Variants in GLRX3 observed in about 807,000 individuals in gnomAD.
GLRX3 encodes the protein glutaredoxin 3, also known as glutaredoxin-3.
A neutral mutation model predicts 49.5 loss-of-function variants in GLRX3; 22 were observed. The ratio of observed to expected loss-of-function variants is 0.44; its 90% CI spans 0.32 to 0.63. The LOEUF (loss-of-function observed/expected upper bound fraction) is 0.63. Among genes scored for constraint, GLRX3 ranks in the 30% least tolerant of loss-of-function variants. GLRX3 has a pLI of 0.05. For missense variants in GLRX3, 385 were observed against 396.3 expected, an observed-to-expected ratio of 0.97 and a Z score of 0.24; for synonymous variants, 133 against 140.0, an observed-to-expected ratio of 0.95 and a Z score of 0.35.
In GLRX3 at chr10:130,169,469, C is replaced by A; in HGVS notation, c.750C>A (p.Leu250=). 1 of 1,610,716 alleles carries A rather than the reference C, an allele frequency of 6.2e-7. No homozygotes were observed. The highest frequency in any genetic ancestry group is 1.1e-5 in the South Asian group (1 of 90,978). The change falls in exon 7 of 11, where the codon CTC becomes CTA. Residue 250 remains leucine, a synonymous_variant. Coordinates refer to ENST00000331244, the MANE Select transcript of GLRX3 (RefSeq NM_006541.5). ...KVLTNKASVM[L]FMKGNKQEAK... is the part of the protein sequence containing the mutation. ...TGACAAATAAAGCTTCTGTGATGCTCTTTATGAAAGGAAACAAACAGGTAA... is the reference window on the plus strand; with the variant it reads ...TGACAAATAAAGCTTCTGTGATGCTATTTATGAAAGGAAACAAACAGGTAA...
At chr10:130,171,668 A>T in intron 8 of GLRX3, 32 bp downstream of exon 8, 1 of 1,182,582 alleles carries the variant, frequency 8.5e-7, no homozygotes, top group South Asian at 1.2e-5. Flanking sequence ...ATGGTGTATT[A>T]AAAAAATTCC....
chr10:130,150,644 G>A (rs1486928176), intron 2 of GLRX3, among the ~76,000 whole-genome samples: 1 of 152,152 alleles, frequency 6.6e-6, no homozygotes, highest in East Asian at 1.9e-4. Flanking sequence ...GATACAGATT[G>A]CACTGTTGAA....
intron 1 of GLRX3, among the ~76,000 whole-genome samples, chr10:130,140,318 A>G (rs568911337): frequency 1.3e-5 from 2 of 152,350 alleles, no homozygotes; most frequent in African/African-American, 4.8e-5. Context: ...TTTCTCCAAC[A>G]ATGCTCCAGG....
chr10:130,177,248 A>T (rs1452322611), intron 10 of GLRX3, among the ~76,000 whole-genome samples: 1 of 152,206 alleles, frequency 6.6e-6, no homozygotes, highest in Non-Finnish European at 1.5e-5. Context: ...TTACTCAGCT[A>T]ATCTAGTGTC....
intron 7 of GLRX3, 95 bp from the exon 8 acceptor site, chr10:130,171,489 G>A: frequency 1.3e-6 from 1 of 775,736 alleles, no homozygotes; most frequent in African/African-American, 1.7e-5. Flanking sequence ...AGCTATGCTG[G>A]ACAAGTGCTG....
At chr10:130,162,222 C>T (rs945293985) in intron 4 of GLRX3, among the ~76,000 whole-genome samples, 13 of 152,126 alleles carry the variant, frequency 8.5e-5, no homozygotes, top group African/African-American at 1.4e-4. Context: ...TCAGGTGATC[C>T]GCCTGCCTTG....
At chr10:130,172,804 C>T (rs1211802199) in intron 8 of GLRX3, among the ~76,000 whole-genome samples, 3 of 151,910 alleles carry the variant, frequency 2.0e-5, no homozygotes, top group South Asian at 2.1e-4. Flanking sequence ...TAGCCGGGTG[C>T]GGTGGCGCAC....
intron 6 of GLRX3, among the ~76,000 whole-genome samples, chr10:130,168,052 C>T (rs765647977): frequency 1.6e-4 from 24 of 152,128 alleles, no homozygotes; most frequent in Non-Finnish European, 1.5e-4. Flanking sequence ...GTGCACTTGC[C>T]GCTGTTAATG....
intron 8 of GLRX3, among the ~76,000 whole-genome samples, chr10:130,173,796 C>T (rs2134926254): frequency 6.6e-6 from 1 of 152,202 alleles, no homozygotes; most frequent in Admixed American, 6.5e-5. Flanking sequence ...TCAAACATTC[C>T]TTTTTTGGTA....
chr10:130,176,333 T>A (rs1862919510), intron 10 of GLRX3, among the ~76,000 whole-genome samples: 1 of 152,128 alleles, frequency 6.6e-6, no homozygotes, highest in Non-Finnish European at 1.5e-5. Context: ...TTGGCCAGGC[T>A]GGTCTTGAAC....
rs1340631472 is a variant in GLRX3 at position 130,174,770 on chromosome 10, A to G, written c.825-97A>G. ...TGTAGTACATTTTGTTAGCAGTGAA[A>G]CGGTTTTCTTGATTATTTTAAAAAC... On this transcript the variant is annotated intron_variant, in intron 8 of 10. Transcript: ENST00000331244. 3.8e-6 allele frequency: 3 copies of G among 789,208 alleles called. No homozygotes were observed. In the South Asian group the frequency reaches 4.7e-5, roughly 12 times the overall value. 48.9% of individuals were successfully genotyped at this position (789,208 alleles called of 1,614,324 possible).
intron 7 of GLRX3, among the ~76,000 whole-genome samples, chr10:130,170,001 G>A (rs1247838449): frequency 2.0e-5 from 3 of 152,168 alleles, no homozygotes; most frequent in Non-Finnish European, 4.4e-5. Context: ...ACAGCTTTTT[G>A]ATGTAAGTAC....
intron 2 of GLRX3, among the ~76,000 whole-genome samples, chr10:130,155,033 G>A (rs905255877): frequency 1.3e-5 from 2 of 152,106 alleles, no homozygotes; most frequent in Admixed American, 6.5e-5. Flanking sequence ...GTGCAGTGGT[G>A]TGATCATAGC....
At chr10:130,146,185 A>T (rs1862267358) in intron 2 of GLRX3, among the ~76,000 whole-genome samples, 1 of 152,200 alleles carries the variant, frequency 6.6e-6, no homozygotes, top group Non-Finnish European at 1.5e-5. Flanking sequence ...GCACAGGCAG[A>T]CAAATTAGTT....
chr10:130,144,438 C>G (rs1862233270), intron 1 of GLRX3, among the ~76,000 whole-genome samples: 1 of 152,112 alleles, frequency 6.6e-6, no homozygotes, highest in African/African-American at 2.4e-5. Context: ...AGGTATTTGT[C>G]CTAATGCTTT....
intron 10 of GLRX3, among the ~76,000 whole-genome samples, chr10:130,177,819 A>AG (rs1215772034): frequency 4.6e-5 from 7 of 152,188 alleles, no homozygotes; most frequent in African/African-American, 1.7e-4. Flanking sequence ...TTTCATCCAG[A>AG]GGAGGTCATA....
At position 130,160,925 on chromosome 10, in the gene GLRX3, C is replaced by T. The variant is rs147643015; in HGVS notation, c.406C>T (p.Arg136Cys). The T allele has an allele frequency of 3.6e-5, 58 of 1,613,414 alleles. No individual in the cohort carries two copies. Among genetic ancestry groups the T allele is most frequent in the Non-Finnish European group, 4.3e-5 (51 of 1,179,512 alleles). The change falls in exon 4 of 11, where the codon CGC (arginine) becomes TGC (cysteine). Residue 136 changes from arginine to cysteine, a missense_variant. This residue lies in a region of GLRX3 where 374 missense variants were observed against 358.6 expected (regional missense o/e 1.04). Transcript: ENST00000331244. ...NEHLKEDLNL[R>C]LKKLTHAAPC... ...ACATCTTAAAGAAGATCTCAACCTT[C>T]GCTTGAAGAAATTGACTCATGCTGC...
intron 1 of GLRX3, among the ~76,000 whole-genome samples, chr10:130,139,652 A>C (rs1025830110): frequency 7.1e-6 from 1 of 141,692 alleles, no homozygotes; most frequent in Non-Finnish European, 1.6e-5. Context: ...AAAAAAAAAA[A>C]AACCAAAAAA....
intron 4 of GLRX3, among the ~76,000 whole-genome samples, chr10:130,165,548 TATGAC>T (rs1401299426): frequency 1.3e-5 from 2 of 152,184 alleles, no homozygotes; most frequent in African/African-American, 2.4e-5. Flanking sequence ...ACTGTCAAGT[TATGAC>T]ATGAGATGAG....
Sources: gnomAD v4.1 joint callset for allele counts (sites outside exome capture counted in the v4.1 genomes callset) on GRCh38, gnomAD v4.1.1 for gene constraint, gnomAD v4.1.1 regional missense constraint, MANE v1.5 for transcripts, NCBI Gene and HGNC (gene_info 2026-07-23, HGNC 2026-07-21) for gene names.